Variants in MISP observed in about 807,000 individuals in gnomAD.
MISP encodes the protein mitotic spindle positioning.
MISP carries 51 observed loss-of-function variants against 49.3 expected under a neutral mutation model. The ratio of observed to expected loss-of-function variants is 1.03; its 90% confidence interval spans 0.83 to 1.31. The LOEUF is 1.31. MISP is among the 50% of genes most tolerant of loss of function. MISP has a pLI of 0.00. For missense variants in MISP, 1,084 were observed against 935.1 expected (o/e 1.16, Z -2.08); for synonymous variants, 444 against 392.6 (o/e 1.13, Z -1.55).
At chr19:753,782 T>C (rs754456906) in intron 1 of MISP, among the ~76,000 whole-genome samples, 2 of 151,712 alleles carry the variant, frequency 1.3e-5, no homozygotes, top group Non-Finnish European at 2.9e-5. Context: ...TTGTGGGGGT[T>C]TGTTTTTCTT....
rs2033483318 is a variant in MISP at position 752,998 on chromosome 19, A to G, written c.-58+1827A>G. On this transcript the variant is annotated intron_variant, in intron 1 of 4. Transcript: ENST00000215582. Reference sequence around the variant, plus strand: ...AGTATTTATTAGGCGCCTGCTGTATACCAGACTCTGGGCTGCAGGAAGGGT... The same window carrying G: ...AGTATTTATTAGGCGCCTGCTGTATGCCAGACTCTGGGCTGCAGGAAGGGT... 2.6e-5 allele frequency among the ~76,000 whole-genome samples: 4 copies of G among 152,250 alleles called. No homozygotes were observed. The South Asian group carries it at 8.3e-4, about 32-fold the overall frequency.
At position 757,184 on chromosome 19, in the gene MISP, C is replaced by CG; in HGVS notation, c.243dup (p.Leu82AlafsTer9). 1 of 1,613,524 alleles carries CG rather than the reference C, an allele frequency of 6.2e-7. No homozygotes were observed. The highest frequency in any genetic ancestry group is 8.5e-7 in the Non-Finnish European group (1 of 1,179,970). ...TGCCTACACTGGCCAGCCGTCCCCA[C>CG]GGGGGCTCCACTCGGAGAACAGGGA... On this transcript the variant is annotated frameshift_variant, in exon 2 of 5. Transcript: ENST00000215582. LOFTEE classifies it high-confidence loss of function.
chr19:763,484 A>G lies in MISP; in HGVS notation c.1951-17A>G. The G allele has an allele frequency of 3.1e-6, 5 of 1,600,914 alleles. No individual in the cohort carries two copies. Reference sequence around the variant, plus strand: ...GGTAGGACCTGGATCGGGGGAATTCATGCCTCCTTTTTGCAGGTCCTGGAA... The same window carrying G: ...GGTAGGACCTGGATCGGGGGAATTCGTGCCTCCTTTTTGCAGGTCCTGGAA... On this transcript the variant is annotated splice_polypyrimidine_tract_variant and intron_variant, in intron 4 of 4. Transcript: ENST00000215582.
Position 757,430 on chromosome 19 carries a change from C to A in MISP, c.484C>A (p.Gln162Lys). 2 of 1,597,132 alleles carry A rather than the reference C, an allele frequency of 1.3e-6. No homozygotes were observed. The highest frequency in any genetic ancestry group is 2.3e-5 in the East Asian group (1 of 44,050). ...GAAGAGCAGCACCGTGGCCACGCTC[C>A]AGGGCACTCCTGACCACGGAGACCC... is the stretch of plus-strand genomic sequence containing the variant. Reference protein sequence around the residue: ...VRKSSTVATLQGTPDHGDPRT... With the variant: ...VRKSSTVATLKGTPDHGDPRT... Residue 162 changes from glutamine (Q) to lysine (K), a missense_variant, in exon 2 of 5, where the codon CAG becomes AAG. Transcript: ENST00000215582.
chr19:755,902 C>T (rs1282326884), intron 1 of MISP, among the ~76,000 whole-genome samples: 1 of 151,076 alleles, frequency 6.6e-6, no homozygotes, highest in African/African-American at 2.4e-5. Context: ...CACTGCACTC[C>T]AGGCTGGGCA....
At position 760,038 on chromosome 19, in the gene MISP, G is replaced by T; in HGVS notation, c.1910G>T (p.Trp637Leu). 6.2e-7 allele frequency: 1 copy of T among 1,613,600 alleles called. No individual in the cohort carries two copies. Among genetic ancestry groups the T allele is most frequent in the Non-Finnish European group, 8.5e-7 (1 of 1,179,724 alleles). Residue 637 changes from tryptophan (W) to leucine (L), a missense_variant and splice_region_variant, in exon 3 of 5, where the codon TGG becomes TTG. Trp to Leu is a moderately conservative substitution (Grantham distance 61). Coordinates refer to ENST00000215582, the MANE Select transcript of MISP (RefSeq NM_173481.4). ...APPGQRKKEQ[W>L]YAGINPSDGI... is the part of the protein sequence containing the mutation. Reference sequence around the variant, plus strand: ...CCCGGGCAGAGAAAGAAGGAGCAATGGGTGAGTCTGGAACCCGTCTCTGCA... The same window carrying T: ...CCCGGGCAGAGAAAGAAGGAGCAATTGGTGAGTCTGGAACCCGTCTCTGCA...
At chr19:749,423 G>A (rs181771835), upstream of MISP, among the ~76,000 whole-genome samples, 3 of 152,232 alleles carry the variant, frequency 2.0e-5, no homozygotes, top group East Asian at 1.9e-4. Context: ...AGGGGGTGGC[G>A]GGAGGCGGCG....
At position 757,006 on chromosome 19, in the gene MISP, C is replaced by A; in HGVS notation, c.60C>A (p.Gly20=). 2 of 1,603,104 alleles carry A rather than the reference C, an allele frequency of 1.2e-6. No individual in the cohort carries two copies. Among genetic ancestry groups the A allele is most frequent in the Admixed American group, 1.7e-5 (1 of 58,612 alleles). ...TCCCTCAGGCACACCGTGGCACCGG[C>A]CTGGTGCTGGATGGAGACACCAGCT... The part of the protein sequence containing the change: ...LGIPQAHRGT[G]LVLDGDTSYT... Residue 20 remains glycine (G), a synonymous_variant, in exon 2 of 5, where the codon GGC becomes GGA. Coordinates refer to ENST00000215582, the MANE Select transcript of MISP (RefSeq NM_173481.4).
chr19:761,641 C>T lies in MISP; in HGVS notation c.1928C>T (p.Pro643Leu), dbSNP rs2033673306. Residue 643 changes from proline (P) to leucine (L), a missense_variant, in exon 4 of 5, where the codon CCC becomes CTC. Coordinates refer to ENST00000215582, the MANE Select transcript of MISP (RefSeq NM_173481.4). The part of the protein sequence containing the change: ...KKEQWYAGIN[P>L]SDGINSEVLE... ...TTCCTGTAGTACGCTGGCATCAACCCCTCGGACGGTATCAACTCAGAGGTG... is the reference window on the plus strand; with the variant it reads ...TTCCTGTAGTACGCTGGCATCAACCTCTCGGACGGTATCAACTCAGAGGTG... The T allele has an allele frequency of 1.2e-6, 2 of 1,613,966 alleles. No homozygotes were observed. The highest frequency in any genetic ancestry group is 1.3e-5 in the African/African-American group (1 of 74,904).
At chr19:756,808 C>T (rs528977980) in intron 1 of MISP, 82 bp from the exon 2 acceptor site, 17 of 702,682 alleles carry the variant, frequency 2.4e-5, no homozygotes, top group Admixed American at 2.1e-4. Context: ...TTGATGGACC[C>T]TTTGCCCTTT....
In MISP at chr19:763,790, T is replaced by C. The variant is rs2144972342; in HGVS notation, c.*200T>C. 1.8e-6 allele frequency: 1 copy of C among 568,658 alleles called. No individual in the cohort carries two copies. The highest frequency in any genetic ancestry group is 3.0e-5 in the Admixed American group (1 of 33,002). The allele number at this position is 568,658 out of a possible 1,614,324, so 35.2% of individuals were successfully genotyped here. ...CCGTTTCTATCTTCCTTTAGAAATG[T>C]TTCTGCCTTTGGGGTCTAAAGCTTT... On this transcript the variant is annotated 3_prime_UTR_variant, in exon 5 of 5. Transcript: ENST00000215582.
chr19:757,249 T>G lies in MISP; in HGVS notation c.303T>G (p.Asp101Glu). 1 of 1,613,846 alleles carries G rather than the reference T, an allele frequency of 6.2e-7. No individual in the cohort carries two copies. Among genetic ancestry groups the G allele is most frequent in the African/African-American group, 1.3e-5 (1 of 75,044 alleles). Reference protein sequence around the residue: ...GWQVYRLGARDAHQGRPTWAL... With the variant: ...GWQVYRLGAREAHQGRPTWAL... ...AGGTTTACCGCCTGGGCGCCAGGGA[T>G]GCCCACCAGGGACGTCCAACATGGG... The change falls in exon 2 of 5, where the codon GAT becomes GAG. Residue 101 changes from aspartate to glutamate, a missense_variant. Transcript: ENST00000215582.
Position 756,964 on chromosome 19 carries a change from AT to A in MISP, c.19del (p.Tyr7ThrfsTer115), listed in dbSNP as rs780656943. The A allele has an allele frequency of 1.3e-6, 2 of 1,575,934 alleles. No homozygotes were observed. The highest frequency in any genetic ancestry group is 1.7e-6 in the Non-Finnish European group (2 of 1,157,498). On this transcript the variant is annotated frameshift_variant, in exon 2 of 5. Coordinates refer to ENST00000215582, the MANE Select transcript of MISP (RefSeq NM_173481.4). LOFTEE classifies it high-confidence loss of function. ...CGGAAGAGATGGACCGCGTGACCAGATACCCCATCCTGGGCATCCCTCAGGC... is the reference window on the plus strand; with the variant it reads ...CGGAAGAGATGGACCGCGTGACCAGAACCCCATCCTGGGCATCCCTCAGGC... Reference protein sequence around the residue: MDRVTRYPILGIPQAHR... With the variant: MDRVTRXPILGIPQAHR...
intron 2 of MISP, among the ~76,000 whole-genome samples, chr19:759,199 T>C (rs781730648): frequency 3.3e-5 from 5 of 151,518 alleles, no homozygotes; most frequent in Non-Finnish European, 7.4e-5. Context: ...AATTTTTGTA[T>C]TTTTAGTAGA....
chr19:750,347 G>A (rs1049992006), upstream of MISP, among the ~76,000 whole-genome samples: 5 of 151,704 alleles, frequency 3.3e-5, no homozygotes, highest in Non-Finnish European at 5.9e-5. Context: ...TTATAATAGC[G>A]TGCCACCATA....
chr19:751,780 T>G (rs1599178542), intron 1 of MISP, among the ~76,000 whole-genome samples: 1 of 151,930 alleles, frequency 6.6e-6, no homozygotes, highest in South Asian at 2.1e-4. Context: ...CCGGTGGAGC[T>G]CCGCCCAGGA....
intron 3 of MISP, 53 bp downstream of exon 3, chr19:760,092 A>G: frequency 1.9e-6 from 3 of 1,605,580 alleles, no homozygotes; most frequent in Non-Finnish European, 2.6e-6. Flanking sequence ...GACAGCCCCT[A>G]TTAGGGCCAC....
At chr19:755,149 T>C (rs1049982416) in intron 1 of MISP, among the ~76,000 whole-genome samples, 4 of 152,104 alleles carry the variant, frequency 2.6e-5, no homozygotes, top group Non-Finnish European at 2.9e-5. Context: ...AACTGTGCCC[T>C]GCAGATGCCA....
At chr19:748,835 C>G (rs1157303115), upstream of MISP, among the ~76,000 whole-genome samples, 1 of 152,192 alleles carries the variant, frequency 6.6e-6, no homozygotes, top group Non-Finnish European at 1.5e-5. Context: ...TCAGTTTTCC[C>G]ATCTGTAAAA....
Sources: allele counts gnomAD v4.1 joint callset (sites outside exome capture counted in the v4.1 genomes callset), GRCh38; gene constraint gnomAD v4.1.1; transcripts MANE v1.5; gene names NCBI Gene and HGNC (gene_info 2026-07-23, HGNC 2026-07-21).